Variants in HS6ST2 observed in about 807,000 individuals in gnomAD.
HS6ST2 encodes the protein heparan-sulfate 6-O-sulfotransferase 2.
HS6ST2 carries 17 observed loss-of-function variants against 33.0 expected under a neutral mutation model. The ratio of observed to expected loss-of-function variants is 0.52; its 90% confidence interval spans 0.35 to 0.77. The LOEUF is 0.77. Ranked by LOEUF, HS6ST2 falls within the 30% of genes least tolerant of loss-of-function variation. HS6ST2 has a pLI of 0.01. For missense variants in HS6ST2, 519 were observed against 551.7 expected, an observed-to-expected ratio of 0.94 and a Z score of 0.59; for synonymous variants, 248 against 237.1, an observed-to-expected ratio of 1.05 and a Z score of -0.42.
chrX:132,718,855 G>T (rs1316563244), intron 2 of HS6ST2, among the ~76,000 whole-genome samples: 1 of 110,434 alleles, frequency 9.1e-6, no homozygotes, highest in Non-Finnish European at 1.9e-5. Context: ...GAAGTTGGCA[G>T]ACAGATCAGG....
intron 3 of HS6ST2, among the ~76,000 whole-genome samples, chrX:132,691,357 C>T (rs955637570): frequency 3.6e-5 from 4 of 111,377 alleles, no homozygotes; most frequent in Non-Finnish European, 5.6e-5. Flanking sequence ...TACCTCTTAA[C>T]GTCAGAAAAA....
intron 2 of HS6ST2, among the ~76,000 whole-genome samples, chrX:132,897,789 A>G (rs1366310879): frequency 9.0e-6 from 1 of 111,392 alleles, no homozygotes; most frequent in African/African-American, 3.3e-5. Context: ...ATGTGTTTCA[A>G]TTCTCATCAT....
At chrX:132,864,555 A>G (rs1157636037) in intron 2 of HS6ST2, among the ~76,000 whole-genome samples, 3 of 109,491 alleles carry the variant, frequency 2.7e-5, no homozygotes, top group African/African-American at 9.9e-5. Context: ...TTGGAAAAAA[A>G]AAGAAAAGAA....
intron 2 of HS6ST2, among the ~76,000 whole-genome samples, chrX:132,710,819 A>T (rs1276871948): frequency 9.0e-6 from 1 of 111,581 alleles, no homozygotes; most frequent in East Asian, 2.8e-4. Flanking sequence ...GAAATACTGT[A>T]AAAACAGGAA....
intron 2 of HS6ST2, among the ~76,000 whole-genome samples, chrX:132,803,347 G>A (rs1227432053): frequency 9.0e-6 from 1 of 111,534 alleles, no homozygotes; most frequent in Middle Eastern, 4.6e-3. Context: ...ACAAGAGAAG[G>A]GCCCTATAGA....
rs145097300 is a variant in HS6ST2, at chrX:132,887,478, C to T, written c.947+69330G>A. 1.6e-4 allele frequency among the ~76,000 whole-genome samples: 18 copies of T among 112,177 alleles called. No homozygotes were observed. The East Asian group carries it at 4.2e-3, about 26-fold the overall frequency. On this transcript the variant is annotated intron_variant, in intron 2 of 4. Transcript: ENST00000370833. Reference sequence around the variant, plus strand: ...AACCACTGTACATTCACTAGAGTGACTGTAATAAAAGATAGACACTAACAA... The same window carrying T: ...AACCACTGTACATTCACTAGAGTGATTGTAATAAAAGATAGACACTAACAA...
chrX:132,868,732 C>T (rs983805936), intron 2 of HS6ST2, among the ~76,000 whole-genome samples: 4 of 111,436 alleles, frequency 3.6e-5, no homozygotes, highest in Non-Finnish European at 7.5e-5. Flanking sequence ...TTGAAACCGA[C>T]GAGAACAAAG....
intron 2 of HS6ST2, among the ~76,000 whole-genome samples, chrX:132,931,828 A>G (rs2066770478): frequency 8.9e-6 from 1 of 111,789 alleles, no homozygotes; most frequent in Non-Finnish European, 1.9e-5. Flanking sequence ...AGATAACCAG[A>G]AAAAGAACCA....
chrX:132,790,847 T>C (rs989923094), intron 2 of HS6ST2, among the ~76,000 whole-genome samples: 8 of 112,242 alleles, frequency 7.1e-5, no homozygotes, highest in Non-Finnish European at 1.3e-4. Context: ...AATAATTTTG[T>C]AAACCCTCTT....
At chrX:132,868,965 C>G (rs1415785983) in intron 2 of HS6ST2, among the ~76,000 whole-genome samples, 1 of 104,606 alleles carries the variant, frequency 9.6e-6, no homozygotes. Flanking sequence ...AGACGAAAAA[C>G]CCTTCAAAAA....
At chrX:132,877,095 C>T (rs2148436449) in intron 2 of HS6ST2, among the ~76,000 whole-genome samples, 1 of 111,986 alleles carries the variant, frequency 8.9e-6, no homozygotes, top group African/African-American at 3.2e-5. Context: ...GTTGCCTAAT[C>T]CAAGGTACAA....
chrX:132,919,726 A>G (rs1472395923), intron 2 of HS6ST2, among the ~76,000 whole-genome samples: 3 of 112,057 alleles, frequency 2.7e-5, no homozygotes, highest in Non-Finnish European at 5.6e-5. Flanking sequence ...CTGGACACTC[A>G]GGCTACAAAG....
At chrX:132,730,608 G>A (rs2064447997) in intron 2 of HS6ST2, among the ~76,000 whole-genome samples, 1 of 112,407 alleles carries the variant, frequency 8.9e-6, no homozygotes, top group Non-Finnish European at 1.9e-5. Context: ...CAACTGGGAG[G>A]TTAAGAGCAG....
chrX:132,813,278 G>C (rs1255857414), intron 2 of HS6ST2, among the ~76,000 whole-genome samples: 2 of 111,654 alleles, frequency 1.8e-5, no homozygotes, highest in African/African-American at 6.5e-5. Flanking sequence ...GCTTAGCAAT[G>C]TTGACCTCCG....
intron 2 of HS6ST2, among the ~76,000 whole-genome samples, chrX:132,896,442 T>C (rs1475800833): frequency 9.7e-6 from 1 of 103,165 alleles, no homozygotes; most frequent in Non-Finnish European, 2.0e-5. Context: ...CTGCACTCCA[T>C]CCTGGGCTAC....
chrX:132,847,575 TG>T (rs1156570310), intron 2 of HS6ST2, among the ~76,000 whole-genome samples: 3 of 111,659 alleles, frequency 2.7e-5, no homozygotes, highest in African/African-American at 9.8e-5. Context: ...ACTCCACTGC[TG>T]AATCAAAGTT....
At chrX:132,760,721 A>C (rs746738045) in intron 2 of HS6ST2, among the ~76,000 whole-genome samples, 59 of 111,266 alleles carry the variant, frequency 5.3e-4, no homozygotes, top group African/African-American at 1.9e-3. Context: ...CTTCGAGTTC[A>C]GTGGAGGGGG....
At chrX:132,701,035 G>A (rs780727077) in intron 3 of HS6ST2, among the ~76,000 whole-genome samples, 14 of 111,652 alleles carry the variant, frequency 1.3e-4, no homozygotes, top group Admixed American at 3.8e-4. Context: ...CAAACGTAGC[G>A]CTAAGAATTA....
chrX:132,872,009 C>G (rs1013355970), intron 2 of HS6ST2, among the ~76,000 whole-genome samples: 2 of 111,540 alleles, frequency 1.8e-5, no homozygotes, highest in Non-Finnish European at 3.8e-5. Flanking sequence ...GTGTTAAGCT[C>G]TAGCCACTGT....
Sources: allele counts gnomAD v4.1 joint callset (sites outside exome capture counted in the v4.1 genomes callset), GRCh38; gene constraint gnomAD v4.1.1; transcripts MANE v1.5; gene names NCBI Gene and HGNC (gene_info 2026-07-23, HGNC 2026-07-21).